SFI1: variants seen among roughly 807,000 people sequenced by gnomAD.
The protein encoded by SFI1 is protein SFI1 homolog.
In SFI1, 195 loss-of-function variants were observed where a neutral mutation model predicts 207.5. The observed-to-expected ratio is 0.94, with a 90% CI of 0.84 to 1.06. The LOEUF is 1.06. Ranked by LOEUF, SFI1 falls within the 50% of genes least tolerant of loss-of-function variation. The pLI is 0.00. For missense variants in SFI1, 1,634 were observed against 1,588.0 expected, an observed-to-expected ratio of 1.03 and a Z score of -0.49; for synonymous variants, 630 against 598.9, an observed-to-expected ratio of 1.05 and a Z score of -0.76.
At chr22:31,529,196 G>A (rs145822973) in intron 3 of SFI1, 9 of 233,078 alleles carry the variant, frequency 3.9e-5, no homozygotes, top group African/African-American at 1.6e-4. Context: ...TTCTAGAAGA[G>A]CTGTAACACT....
chr22:31,570,908 A>G (rs1040243746), intron 8 of SFI1, among the ~76,000 whole-genome samples: 4 of 152,212 alleles, frequency 2.6e-5, no homozygotes, highest in African/African-American at 9.6e-5. Flanking sequence ...GCTTTGTCAG[A>G]CACTTCTGGC....
Position 31,604,905 on chromosome 22 carries a change from G to A in SFI1, c.2014G>A (p.Val672Met). The A allele has an allele frequency of 6.2e-7, 1 of 1,611,800 alleles. No individual in the cohort carries two copies. Among genetic ancestry groups the A allele is most frequent in the South Asian group, 1.1e-5 (1 of 90,888 alleles). The change falls in exon 20 of 33, where the codon GTG becomes ATG. Residue 672 changes from valine to methionine, a missense_variant. By Grantham distance (21) the Val-to-Met change is conservative. Transcript: ENST00000400288. Reference protein sequence around the residue: ...QGRVRSILREVAARESQHNRQ... With the variant: ...QGRVRSILREMAARESQHNRQ... ...CAGGGTGCGAAGCATCCTCCGGGAG[G>A]TGGCAGCCAGGGAGAGCCAGCACAA...
chr22:31,595,358 G>C (rs1000663084), intron 15 of SFI1, among the ~76,000 whole-genome samples: 1 of 152,200 alleles, frequency 6.6e-6, no homozygotes, highest in African/African-American at 2.4e-5. Context: ...ATTGTGTGAT[G>C]GGAGACAGAA....
chr22:31,572,563 G>A (rs2063065090), intron 8 of SFI1, among the ~76,000 whole-genome samples: 1 of 152,036 alleles, frequency 6.6e-6, no homozygotes, highest in Non-Finnish European at 1.5e-5. Context: ...GTGCAGTGGT[G>A]TGATCTCAGC....
chr22:31,531,869 G>C (rs865898680), intron 4 of SFI1, among the ~76,000 whole-genome samples: 1 of 150,166 alleles, frequency 6.7e-6, no homozygotes, highest in African/African-American at 2.5e-5. Flanking sequence ...CTCCAGCCTC[G>C]GCAACAAGAG....
Position 31,500,806 on chromosome 22 carries a change from GT to G in SFI1, c.-31+4180del, listed in dbSNP as rs1035587309. 6.6e-3 allele frequency among the ~76,000 whole-genome samples: 674 copies of G among 102,818 alleles called. 3 individuals carry two copies. Among genetic ancestry groups the G allele is most frequent in the African/African-American group, 0.024 (625 of 25,960 alleles). 67.5% of individuals were successfully genotyped at this position (102,818 alleles called of 152,430 possible). On this transcript the variant is annotated intron_variant, in intron 1 of 32. Transcript: ENST00000400288. ...TGTGTTTGTTTTGTTTTTGTTTTTTGTTTTTTTTTTTGAGTCTGAGTGTTGC... is the reference window on the plus strand; with the variant it reads ...TGTGTTTGTTTTGTTTTTGTTTTTTGTTTTTTTTTTGAGTCTGAGTGTTGC...
At chr22:31,556,851 G>T in intron 6 of SFI1, 91 bp from the exon 7 acceptor site, 1 of 782,944 alleles carries the variant, frequency 1.3e-6, no homozygotes, top group Non-Finnish European at 2.0e-6. Context: ...AGGGATTTAG[G>T]TATTCAAAGG....
rs9621276 is a variant in SFI1, at chr22:31,539,136, G to A, written c.339-7725G>A. ...ATCATGTTGCTTCAACCTTCAAAAT[G>A]CATTCAGAATCCAGCCACTTTTCAG... is the stretch of plus-strand genomic sequence containing the variant. On this transcript the variant is annotated intron_variant, in intron 4 of 32. Transcript: ENST00000400288. Among the ~76,000 whole-genome samples the A allele has an allele frequency of 7.2e-3, 1,096 of 152,224 alleles. 20 individuals are homozygous for A. The highest frequency in any genetic ancestry group is 0.023 in the African/African-American group (969 of 41,530).
intron 4 of SFI1, among the ~76,000 whole-genome samples, chr22:31,531,663 G>A (rs2058540319): frequency 6.6e-6 from 1 of 152,186 alleles, no homozygotes; most frequent in Non-Finnish European, 1.5e-5. Context: ...GGAGGCCAAG[G>A]TGGGCGGGTC....
At chr22:31,537,994 C>T (rs1364724389) in intron 4 of SFI1, among the ~76,000 whole-genome samples, 3 of 151,964 alleles carry the variant, frequency 2.0e-5, no homozygotes, top group South Asian at 2.1e-4. Context: ...TTTTTGAGAC[C>T]GAGTTTCACT....
intron 1 of SFI1, among the ~76,000 whole-genome samples, chr22:31,500,001 A>C (rs9609302): frequency 0.21 from 31,497 of 148,130 alleles, 4,301 homozygotes; most frequent in East Asian, 0.43. Flanking sequence ...AAAAAAAAAA[A>C]AACATTGAAA....
Position 31,604,887 on chromosome 22 carries a change from C to A in SFI1, c.1996C>A (p.Arg666=), listed in dbSNP as rs200244332. The A allele has an allele frequency of 6.2e-7, 1 of 1,611,722 alleles. No individual in the cohort carries two copies. Among genetic ancestry groups the A allele is most frequent in the African/African-American group, 1.3e-5 (1 of 74,858 alleles). The part of the protein sequence containing the change: ...QAWVTYQGRV[R]SILREVAARE... Reference sequence around the variant, plus strand: ...CCTACAGACTTACCAGGGCAGGGTGCGAAGCATCCTCCGGGAGGTGGCAGC... The same window carrying A: ...CCTACAGACTTACCAGGGCAGGGTGAGAAGCATCCTCCGGGAGGTGGCAGC... The change falls in exon 20 of 33, where the codon CGA becomes AGA. Residue 666 remains arginine (R), a synonymous_variant. Coordinates refer to ENST00000400288, the MANE Select transcript of SFI1 (RefSeq NM_001007467.3).
At chr22:31,568,226 A>ATT (rs373038766) in intron 8 of SFI1, among the ~76,000 whole-genome samples, 425 of 111,948 alleles carry the variant, frequency 3.8e-3, no homozygotes, top group South Asian at 8.8e-3. Flanking sequence ...ATATATATAT[A>ATT]TTTTTTTTTT....
Position 31,602,586 on chromosome 22 carries a change from C to G in SFI1, c.1627-21C>G, listed in dbSNP as rs149372335. On this transcript the variant is annotated intron_variant, in intron 16 of 32. Transcript: ENST00000400288. ...TCTCCTACTTGATTTATTCTGTTCT[C>G]TCCTTCCTGTCCTGCCTCAGGCCAT... 7.7e-5 allele frequency: 124 copies of G among 1,613,258 alleles called. 2 individuals are homozygous for G. The African/African-American group carries it at 1.2e-3, about 16-fold the overall frequency.
At chr22:31,604,986 A>G (rs751112422) in intron 20 of SFI1, 41 bp downstream of exon 20, 1 of 1,538,736 alleles carries the variant, frequency 6.5e-7, no homozygotes, top group Admixed American at 2.0e-5. Flanking sequence ...GCTGGGGAAC[A>G]AGGAATGCAC....
At chr22:31,525,396 A>G (rs565928592) in intron 2 of SFI1, among the ~76,000 whole-genome samples, 1 of 152,074 alleles carries the variant, frequency 6.6e-6, no homozygotes, top group Non-Finnish European at 1.5e-5. Flanking sequence ...TTTATTAAGG[A>G]GGGTGTCCTT....
At chr22:31,576,689 G>A (rs1354174360) in intron 10 of SFI1, among the ~76,000 whole-genome samples, 1 of 150,698 alleles carries the variant, frequency 6.6e-6, no homozygotes. Flanking sequence ...GCCCAAGCTG[G>A]AGTGCAATGG....
intron 14 of SFI1, among the ~76,000 whole-genome samples, chr22:31,585,566 A>G (rs2064925546): frequency 6.6e-6 from 1 of 152,232 alleles, no homozygotes; most frequent in Non-Finnish European, 1.5e-5. Flanking sequence ...AAGTAAAGGC[A>G]GATTGAGAAA....
intron 2 of SFI1, among the ~76,000 whole-genome samples, chr22:31,517,644 T>C (rs2056708406): frequency 6.6e-6 from 1 of 152,190 alleles, no homozygotes; most frequent in African/African-American, 2.4e-5. Flanking sequence ...TCATGTGAGT[T>C]AGGGACCCTA....
Sources: gnomAD v4.1 joint callset for allele counts (sites outside exome capture counted in the v4.1 genomes callset) on GRCh38, gnomAD v4.1.1 for gene constraint, MANE v1.5 for transcripts, NCBI Gene and HGNC (gene_info 2026-07-23, HGNC 2026-07-21) for gene names.